Variants in IMMP2L observed in about 807,000 individuals in gnomAD.
IMMP2L encodes the protein mitochondrial inner membrane protease subunit 2.
IMMP2L carries 18 observed loss-of-function variants against 19.3 expected under a neutral mutation model. That is an observed-to-expected ratio of 0.93 (90% CI 0.64 to 1.38). The LOEUF is 1.38. Ranked by LOEUF, IMMP2L falls within the 40% of genes most tolerant of loss-of-function variation. The probability of loss-of-function intolerance (pLI) is 0.00; values close to 1 mark genes in which losing one functional copy is unlikely to be tolerated. For missense variants in IMMP2L, 233 were observed against 218.2 expected, an observed-to-expected ratio of 1.07 and a Z score of -0.43; for synonymous variants, 76 against 73.0, an observed-to-expected ratio of 1.04 and a Z score of -0.21.
intron 4 of IMMP2L, among the ~76,000 whole-genome samples, chr7:110,957,306 C>T (rs927514266): frequency 1.5e-4 from 23 of 151,858 alleles, no homozygotes; most frequent in South Asian, 4.1e-4. Context: ...CTATAAATAA[C>T]GTAACGTAAT....
intron 3 of IMMP2L, among the ~76,000 whole-genome samples, chr7:111,417,476 G>C (rs1835064261): frequency 6.6e-6 from 1 of 151,760 alleles, no homozygotes; most frequent in African/African-American, 2.4e-5. Flanking sequence ...ATCTGTTCCA[G>C]TATAGGAATG....
intron 5 of IMMP2L, among the ~76,000 whole-genome samples, chr7:110,806,107 G>C (rs922063993): frequency 2.6e-5 from 4 of 151,874 alleles, no homozygotes; most frequent in African/African-American, 9.7e-5. Context: ...TGATCACAGA[G>C]GGAACCTGGT....
chr7:111,115,954 G>A (rs138452273), intron 3 of IMMP2L, among the ~76,000 whole-genome samples: 3,474 of 152,256 alleles, frequency 0.023, 111 homozygotes, highest in African/African-American at 0.076. Flanking sequence ...TGGGATTACA[G>A]GCATGAGCCA....
At chr7:111,209,704 C>G (rs754659919) in intron 3 of IMMP2L, among the ~76,000 whole-genome samples, 1 of 152,170 alleles carries the variant, frequency 6.6e-6, no homozygotes, top group Admixed American at 6.5e-5. Flanking sequence ...AGACTGATCA[C>G]TCTAGCAACA....
At chr7:111,002,936 C>CA (rs1396906199) in intron 3 of IMMP2L, among the ~76,000 whole-genome samples, 7 of 152,170 alleles carry the variant, frequency 4.6e-5, no homozygotes, top group African/African-American at 1.7e-4. Flanking sequence ...ACCAAATTCT[C>CA]AAACTGTACA....
chr7:111,131,923 G>A (rs936695738), intron 3 of IMMP2L, among the ~76,000 whole-genome samples: 2 of 151,508 alleles, frequency 1.3e-5, no homozygotes, highest in African/African-American at 4.8e-5. Context: ...ATAATAACAG[G>A]AACTTTATAA....
chr7:110,958,576 G>A (rs1818604448), intron 4 of IMMP2L, among the ~76,000 whole-genome samples: 1 of 152,014 alleles, frequency 6.6e-6, no homozygotes, highest in Non-Finnish European at 1.5e-5. Flanking sequence ...CCCATTCTGG[G>A]ATGTCTCATC....
At chr7:110,895,313 G>C (rs1811216432) in intron 4 of IMMP2L, among the ~76,000 whole-genome samples, 1 of 152,140 alleles carries the variant, frequency 6.6e-6, no homozygotes, top group African/African-American at 2.4e-5. Flanking sequence ...AATTCAAGAT[G>C]AGATTTGGGT....
At chr7:110,719,889 G>A (rs1283580035) in intron 5 of IMMP2L, among the ~76,000 whole-genome samples, 1 of 152,078 alleles carries the variant, frequency 6.6e-6, no homozygotes, top group Non-Finnish European at 1.5e-5. Context: ...TAACATTTCT[G>A]TACTTCTAGC....
At chr7:111,402,244 C>T (rs1268437447) in intron 3 of IMMP2L, among the ~76,000 whole-genome samples, 1 of 151,400 alleles carries the variant, frequency 6.6e-6, no homozygotes, top group Non-Finnish European at 1.5e-5. Flanking sequence ...TAAAACCAAG[C>T]AAAAGCCTTC....
chr7:111,300,989 A>C (rs1822167621), intron 3 of IMMP2L, among the ~76,000 whole-genome samples: 1 of 152,126 alleles, frequency 6.6e-6, no homozygotes, highest in Admixed American at 6.6e-5. Flanking sequence ...TGGTAATTGC[A>C]TGTTTAGGTT....
At chr7:111,163,541 C>T (rs1469598865) in intron 3 of IMMP2L, among the ~76,000 whole-genome samples, 1 of 152,102 alleles carries the variant, frequency 6.6e-6, no homozygotes, top group African/African-American at 2.4e-5. Context: ...TCAATTCTGT[C>T]ATCTGTATGT....
chr7:110,765,699 C>T (rs374518238), intron 5 of IMMP2L, among the ~76,000 whole-genome samples: 13 of 152,002 alleles, frequency 8.6e-5, no homozygotes, highest in East Asian at 1.9e-4. Flanking sequence ...TTGTGCAGTG[C>T]GCTGTCTGTT....
intron 3 of IMMP2L, among the ~76,000 whole-genome samples, chr7:111,474,826 T>C (rs556374480): frequency 1.3e-5 from 2 of 152,248 alleles, no homozygotes; most frequent in Admixed American, 1.3e-4. Flanking sequence ...TTAAAGATCA[T>C]CTAGTAGAAT....
At chr7:110,946,331 A>C (rs1164037599) in intron 4 of IMMP2L, among the ~76,000 whole-genome samples, 1 of 152,202 alleles carries the variant, frequency 6.6e-6, no homozygotes, top group Non-Finnish European at 1.5e-5. Context: ...ATGTATATAG[A>C]CATATATATG....
intron 5 of IMMP2L, among the ~76,000 whole-genome samples, chr7:110,680,189 G>C (rs560425231): frequency 1.3e-5 from 2 of 152,298 alleles, no homozygotes; most frequent in East Asian, 3.9e-4. Flanking sequence ...AGATTACACA[G>C]AAGTTTAGAT....
intron 3 of IMMP2L, among the ~76,000 whole-genome samples, chr7:111,307,619 T>C (rs1037283998): frequency 3.3e-5 from 5 of 151,562 alleles, no homozygotes; most frequent in Non-Finnish European, 5.9e-5. Context: ...TTTATATATA[T>C]AGTATTTATT....
intron 3 of IMMP2L, among the ~76,000 whole-genome samples, chr7:111,293,623 G>A (rs992286411): frequency 1.3e-5 from 2 of 151,540 alleles, no homozygotes; most frequent in African/African-American, 4.8e-5. Flanking sequence ...TTAACAATGT[G>A]GTTCAAAAAA....
At chr7:110,756,972 A>G (rs1459222559) in intron 5 of IMMP2L, among the ~76,000 whole-genome samples, 5 of 152,036 alleles carry the variant, frequency 3.3e-5, no homozygotes, top group Non-Finnish European at 7.4e-5. Flanking sequence ...GTATTTATAC[A>G]TATTTATTGT....
Sources: allele counts gnomAD v4.1 joint callset (sites outside exome capture counted in the v4.1 genomes callset), GRCh38; gene constraint gnomAD v4.1.1; transcripts MANE v1.5; gene names NCBI Gene and HGNC (gene_info 2026-07-23, HGNC 2026-07-21).